TTLL12: variants seen among roughly 807,000 people sequenced by gnomAD.
The protein encoded by TTLL12 is tubulin--tyrosine ligase-like protein 12.
In TTLL12, 77 loss-of-function variants were observed where a neutral mutation model predicts 79.6. That is an observed-to-expected ratio of 0.97 (90% CI 0.81 to 1.17). The LOEUF (loss-of-function observed/expected upper bound fraction) is 1.17, where lower values mean the gene tolerates loss of function less well. Among genes scored for constraint, TTLL12 ranks in the 50% most tolerant of loss-of-function variants. The pLI is 0.00. For missense variants in TTLL12, 969 were observed against 895.9 expected, an observed-to-expected ratio of 1.08 and a Z score of -1.04; for synonymous variants, 437 against 376.1, an observed-to-expected ratio of 1.16 and a Z score of -1.87.
chr22:43,174,454 A>T, intron 7 of TTLL12, 45 bp downstream of exon 7: 1 of 1,575,804 alleles, frequency 6.3e-7, no homozygotes. Flanking sequence ...GGCAGTGCCT[A>T]GAAGCCCTGA....
At chr22:43,176,423 G>A in intron 5 of TTLL12, 27 bp from the exon 6 acceptor site, 5 of 1,585,086 alleles carry the variant, frequency 3.2e-6, no homozygotes, top group Non-Finnish European at 3.4e-6. Context: ...CGGAAGTAGA[G>A]ATGAGGTCAA....
intron 8 of TTLL12, among the ~76,000 whole-genome samples, 159 bp from the exon 9 acceptor site, chr22:43,173,985 G>T (rs1931833054): frequency 6.6e-6 from 1 of 152,208 alleles, no homozygotes; most frequent in Admixed American, 6.5e-5. Flanking sequence ...AACAAGGAGG[G>T]GTTTGCCAGA....
rs1601764488 is a variant in TTLL12, at chr22:43,167,483, T to C, written c.*525A>G. On this transcript the variant is annotated 3_prime_UTR_variant, in exon 14 of 14. Transcript: ENST00000216129. ...CCTGGGCCCCTGTCGCATAGAGCCCTGTGGGTGCAGTGTGGGGCCCCACAG... is the reference window on the plus strand; with the variant it reads ...CCTGGGCCCCTGTCGCATAGAGCCCCGTGGGTGCAGTGTGGGGCCCCACAG... 3 of 253,602 alleles carry C rather than the reference T, an allele frequency of 1.2e-5. No homozygotes were observed. The highest frequency in any genetic ancestry group is 2.3e-4 in the East Asian group (2 of 8,514). The allele number at this position is 253,602 out of a possible 1,614,324, so 15.7% of individuals were successfully genotyped here.
At chr22:43,176,820 G>T (rs936316842) in intron 5 of TTLL12, among the ~76,000 whole-genome samples, 2 of 151,486 alleles carry the variant, frequency 1.3e-5, no homozygotes, top group Non-Finnish European at 1.5e-5. Context: ...AGGGGCGCAT[G>T]GCTGCTCCTC....
chr22:43,176,499 G>C, intron 5 of TTLL12, 103 bp from the exon 6 acceptor site: 1 of 926,236 alleles, frequency 1.1e-6, no homozygotes, highest in Non-Finnish European at 1.7e-6. Context: ...AGAGGGTGAG[G>C]CAGGTGGATC....
chr22:43,179,747 C>T lies in TTLL12; in HGVS notation c.712G>A (p.Val238Met), dbSNP rs764622788. Residue 238 changes from valine to methionine, a missense_variant, in exon 5 of 14, where the codon GTG becomes ATG. By Grantham distance (21) the Val-to-Met change is conservative. Coordinates refer to ENST00000216129, the MANE Select transcript of TTLL12 (RefSeq NM_015140.4). Reference protein sequence around the residue: ...PLRDLDTGEEVTRDFAYGETD... With the variant: ...PLRDLDTGEEMTRDFAYGETD... ...TCTCCGTAGGCAAAGTCTCGGGTCA[C>T]CTCCTCTGTGCCAAGACATGAGTGC... The T allele has an allele frequency of 6.4e-7, 1 of 1,562,812 alleles. No homozygotes were observed. The highest frequency in any genetic ancestry group is 8.7e-7 in the Non-Finnish European group (1 of 1,152,892).
intron 5 of TTLL12, among the ~76,000 whole-genome samples, chr22:43,178,540 C>T (rs997675064): frequency 1.3e-5 from 2 of 152,154 alleles, no homozygotes; most frequent in Admixed American, 1.3e-4. Context: ...CCAGGATGGT[C>T]TCGATCTCCT....
In TTLL12 at chr22:43,167,760, G is replaced by A; in HGVS notation, c.*248C>T. On this transcript the variant is annotated 3_prime_UTR_variant, in exon 14 of 14. Coordinates refer to ENST00000216129, the MANE Select transcript of TTLL12 (RefSeq NM_015140.4). ...GTGCACAGATGGTGGTGAGGGGTGAGGGCAGGGCGTGGGGTGGTGCTCAGC... is the reference window on the plus strand; with the variant it reads ...GTGCACAGATGGTGGTGAGGGGTGAAGGCAGGGCGTGGGGTGGTGCTCAGC... The A allele has an allele frequency of 2.3e-6, 1 of 438,978 alleles. No homozygotes were observed. The highest frequency in any genetic ancestry group is 2.0e-5 in the African/African-American group (1 of 50,766). 27.2% of individuals were successfully genotyped at this position (438,978 alleles called of 1,614,324 possible).
chr22:43,169,179 C>T (rs1369422624), intron 12 of TTLL12, among the ~76,000 whole-genome samples: 5 of 152,230 alleles, frequency 3.3e-5, no homozygotes, highest in Non-Finnish European at 7.3e-5. Context: ...CCCAGAATGC[C>T]GCTGCTGGAC....
chr22:43,169,319 C>T (rs1426294237), intron 12 of TTLL12, among the ~76,000 whole-genome samples, 181 bp downstream of exon 12: 1 of 152,188 alleles, frequency 6.6e-6, no homozygotes, highest in Non-Finnish European at 1.5e-5. Flanking sequence ...CCCACAAATG[C>T]CCAGGGTGGA....
intron 6 of TTLL12, among the ~76,000 whole-genome samples, chr22:43,174,938 G>T (rs1931865791): frequency 6.6e-6 from 1 of 152,248 alleles, no homozygotes. Context: ...CCTCTCACAT[G>T]CAAAACAAGA....
chr22:43,175,837 T>C (rs1033345307), intron 6 of TTLL12, among the ~76,000 whole-genome samples: 10 of 135,848 alleles, frequency 7.4e-5, no homozygotes, highest in African/African-American at 2.5e-4. Context: ...CATGCCCTAC[T>C]AATTTTTTTT....
In TTLL12 at chr22:43,177,197, G is replaced by A. The variant is rs142526229; in HGVS notation, c.841-801C>T. ...AGCCTGGGCAACATAGTGAGACCCC[G>A]TCTCTACAGAAAAGTTGAATAATTA... is the stretch of plus-strand genomic sequence containing the variant. On this transcript the variant is annotated intron_variant, in intron 5 of 13. Coordinates refer to ENST00000216129, the MANE Select transcript of TTLL12 (RefSeq NM_015140.4). Among the ~76,000 whole-genome samples, 361 of 151,970 alleles carry A rather than the reference G, an allele frequency of 2.4e-3. 2 individuals are homozygous for A. Among genetic ancestry groups the A allele is most frequent in the Middle Eastern group, 0.01 (3 of 294 alleles).
intron 1 of TTLL12, among the ~76,000 whole-genome samples, chr22:43,184,743 G>T (rs1443203021): frequency 6.6e-6 from 1 of 152,200 alleles, no homozygotes; most frequent in Non-Finnish European, 1.5e-5. Context: ...AAATCCCTAG[G>T]GGACAGCGTG....
Position 43,172,489 on chromosome 22 carries a change from G to A in TTLL12, c.1407C>T (p.Phe469=), listed in dbSNP as rs141545045. Residue 469 remains phenylalanine, a synonymous_variant, in exon 10 of 14, where the codon TTC becomes TTT. Coordinates refer to ENST00000216129, the MANE Select transcript of TTLL12 (RefSeq NM_015140.4). ...GCAGCAGCACGATGTAGCGGATGTCGAACTTGACCTTTCCCACGTCTTCTC... is the reference window on the plus strand; with the variant it reads ...GCAGCAGCACGATGTAGCGGATGTCAAACTTGACCTTTCCCACGTCTTCTC... The part of the protein sequence containing the change: ...FLREDVGKVK[F]DIRYIVLLRS... 3.4e-4 allele frequency: 546 copies of A among 1,614,066 alleles called. 1 individual carries two copies. Among genetic ancestry groups the A allele is most frequent in the African/African-American group, 2.9e-3 (216 of 74,974 alleles).
chr22:43,175,876 C>T (rs534299590), intron 6 of TTLL12, among the ~76,000 whole-genome samples: 24 of 139,048 alleles, frequency 1.7e-4, no homozygotes, highest in South Asian at 1.4e-3. Flanking sequence ...TTAGTAGAGA[C>T]GGGCTTTCAC....
intron 7 of TTLL12, 21 bp downstream of exon 7, chr22:43,174,478 T>G: frequency 6.3e-7 from 1 of 1,589,232 alleles, no homozygotes. Flanking sequence ...GGAGGGCCCC[T>G]GCGGCCAGAG....
chr22:43,183,692 C>G (rs1408303889), intron 1 of TTLL12, among the ~76,000 whole-genome samples: 1 of 152,234 alleles, frequency 6.6e-6, no homozygotes, highest in Non-Finnish European at 1.5e-5. Flanking sequence ...GGCCCCAGGT[C>G]AAGGTGGGAT....
chr22:43,182,335 G>C (rs182115086), intron 2 of TTLL12, among the ~76,000 whole-genome samples: 2 of 152,372 alleles, frequency 1.3e-5, no homozygotes, highest in African/African-American at 4.8e-5. Flanking sequence ...CCCACTCCCA[G>C]CTGGAGGAGG....
Sources: allele counts gnomAD v4.1 joint callset (sites outside exome capture counted in the v4.1 genomes callset), GRCh38; gene constraint gnomAD v4.1.1; transcripts MANE v1.5; gene names NCBI Gene and HGNC (gene_info 2026-07-23, HGNC 2026-07-21).